DOP1B: variants seen among roughly 807,000 people sequenced by gnomAD.
The protein encoded by DOP1B is DOP1 leucine zipper like protein B.
A neutral mutation model predicts 233.5 loss-of-function variants in DOP1B; 174 were observed. The ratio of observed to expected loss-of-function variants is 0.75; its 90% CI spans 0.66 to 0.85. The LOEUF is 0.85. Among genes scored for constraint, DOP1B ranks in the 40% least tolerant of loss-of-function variants. The pLI is 0.00. For missense variants in DOP1B, 2,652 were observed against 2,846.6 expected, an observed-to-expected ratio of 0.93 and a Z score of 1.56; for synonymous variants, 1,190 against 1,185.6, an observed-to-expected ratio of 1.00 and a Z score of -0.08.
At chr21:36,227,338 G>A (rs1173646620) in intron 12 of DOP1B, among the ~76,000 whole-genome samples, 3 of 151,942 alleles carry the variant, frequency 2.0e-5, no homozygotes, top group African/African-American at 7.2e-5. Flanking sequence ...ACAAAGTCAG[G>A]AGATCGAGAC....
chr21:36,260,834 G>A lies in DOP1B; in HGVS notation c.5315+102G>A. ...GGTTTTATTTCTAGACTACTAGAGA[G>A]CCATTGTTCAGAAAATATCTTAAAG... On this transcript the variant is annotated intron_variant, in intron 24 of 36. Transcript: ENST00000691173. 6 of 1,562,566 alleles carry A rather than the reference G, an allele frequency of 3.8e-6. No homozygotes were observed. In the South Asian group the frequency reaches 4.8e-5, roughly 13 times the overall value.
chr21:36,261,305 C>T lies in DOP1B; in HGVS notation c.5315+573C>T, dbSNP rs2067168246. 9 of 971,456 alleles carry T rather than the reference C, an allele frequency of 9.3e-6. No homozygotes were observed. The East Asian group carries it at 6.0e-4, about 65-fold the overall frequency. The allele number at this position is 971,456 out of a possible 1,614,324, so 60.2% of individuals were successfully genotyped here. ...GCATGAACCCAGGAGGCGGAGGTTG[C>T]AGCGAGCCAAGACCTCACCACTGCT... On this transcript the variant is annotated intron_variant, in intron 24 of 36. Coordinates refer to ENST00000691173, the MANE Select transcript of DOP1B (RefSeq NM_001320714.2).
At position 36,173,869 on chromosome 21, in the gene DOP1B, A is replaced by T. The variant is rs905691951; in HGVS notation, c.138+8998A>T. On this transcript the variant is annotated intron_variant, in intron 2 of 36. Transcript: ENST00000691173. ...AAAATCTTATCATTAAAGCTCTTTA[A>T]AAAAAAAAAAAAGTTATAATGGTCC... 8.7e-4 allele frequency among the ~76,000 whole-genome samples: 48 copies of T among 54,948 alleles called. 3 individuals are homozygous for T. Among genetic ancestry groups the T allele is most frequent in the African/African-American group, 1.7e-3 (37 of 22,210 alleles). 36.0% of individuals were successfully genotyped at this position (54,948 alleles called of 152,430 possible).
Position 36,278,287 on chromosome 21 carries a change from C to T in DOP1B, c.5901C>T (p.Ala1967=). Residue 1967 remains alanine, a synonymous_variant, in exon 30 of 37, where the codon GCC becomes GCT. Transcript: ENST00000691173. ...SLSGYAYTKR[A]WRKEVLELFL... is the part of the protein sequence containing the mutation. ...GTGGCTATGCCTACACAAAGCGAGC[C>T]TGGAGGAAGGAGGTCCTGGAGCTGT... 1 of 1,614,108 alleles carries T rather than the reference C, an allele frequency of 6.2e-7. No homozygotes were observed. Among genetic ancestry groups the T allele is most frequent in the South Asian group, 1.1e-5 (1 of 91,086 alleles).
chr21:36,234,870 G>GTA (rs1006581661), intron 15 of DOP1B, among the ~76,000 whole-genome samples: 8 of 150,934 alleles, frequency 5.3e-5, no homozygotes, highest in African/African-American at 1.5e-4. Context: ...ATGTAATATT[G>GTA]TATATATATA....
At chr21:36,242,701 C>G (rs1032635498) in intron 18 of DOP1B, among the ~76,000 whole-genome samples, 2 of 152,156 alleles carry the variant, frequency 1.3e-5, no homozygotes, top group Admixed American at 1.3e-4. Flanking sequence ...TCTGCTACCT[C>G]CGAATAGGAG....
At chr21:36,230,199 GA>G (rs2066743139) in intron 13 of DOP1B, among the ~76,000 whole-genome samples, 1 of 152,062 alleles carries the variant, frequency 6.6e-6, no homozygotes, top group Admixed American at 6.6e-5. Context: ...AAAAACACAA[GA>G]AAAATAGGCC....
At chr21:36,176,121 T>TGTGTGTGTGG (rs962494737) in intron 2 of DOP1B, among the ~76,000 whole-genome samples, 2 of 151,766 alleles carry the variant, frequency 1.3e-5, no homozygotes, top group African/African-American at 4.8e-5. Context: ...TGTGTGTGTG[T>TGTGTGTGTGG]GGTGATACAG....
intron 23 of DOP1B, among the ~76,000 whole-genome samples, chr21:36,257,688 G>T (rs112657781): frequency 6.6e-6 from 1 of 151,388 alleles, no homozygotes; most frequent in Non-Finnish European, 1.5e-5. Context: ...GTAGATGTAG[G>T]TAGGTAGGTA....
At chr21:36,279,102 T>C (rs35536302) in intron 30 of DOP1B, among the ~76,000 whole-genome samples, 4,939 of 151,838 alleles carry the variant, frequency 0.033, 109 homozygotes, top group Non-Finnish European at 0.046. Context: ...CTCCTGGGCC[T>C]TTTCCTGAGA....
intron 4 of DOP1B, among the ~76,000 whole-genome samples, chr21:36,201,084 C>A (rs936326529): frequency 1.3e-5 from 2 of 152,082 alleles, no homozygotes; most frequent in Non-Finnish European, 2.9e-5. Flanking sequence ...ATGTCCTGTC[C>A]CGTTACGGAG....
Position 36,293,406 on chromosome 21 carries a change from G to C in DOP1B, c.6732G>C (p.Met2244Ile). 4 of 1,614,120 alleles carry C rather than the reference G, an allele frequency of 2.5e-6. No individual in the cohort carries two copies. Among genetic ancestry groups the C allele is most frequent in the Non-Finnish European group, 3.4e-6 (4 of 1,180,030 alleles). The change falls in exon 37 of 37, where the codon ATG becomes ATC. Residue 2244 changes from methionine (M) to isoleucine (I), a missense_variant. Met to Ile is a conservative substitution (Grantham distance 10). Coordinates refer to ENST00000691173, the MANE Select transcript of DOP1B (RefSeq NM_001320714.2). ...QHSVSSIRQL[M>I]PFFMTLNGAF... ...CTGTTTCCAGCATCAGGCAGTTGAT[G>C]CCATTCTTCATGACTCTAAATGGTG...
At chr21:36,230,373 A>C (rs1042961560) in intron 13 of DOP1B, 77 bp from the exon 14 acceptor site, 3 of 1,440,642 alleles carry the variant, frequency 2.1e-6, no homozygotes, top group Non-Finnish European at 2.8e-6. Context: ...GAATTGAAAT[A>C]CATTCATGAT....
intron 1 of DOP1B, among the ~76,000 whole-genome samples, chr21:36,162,814 G>A (rs2065880132): frequency 4.6e-5 from 7 of 152,110 alleles, no homozygotes; most frequent in Admixed American, 4.6e-4. Flanking sequence ...CAAAAGTGCT[G>A]AGATTACAGG....
intron 30 of DOP1B, among the ~76,000 whole-genome samples, chr21:36,279,862 C>T (rs926621272): frequency 6.6e-5 from 10 of 152,116 alleles, no homozygotes; most frequent in Non-Finnish European, 2.9e-5. Flanking sequence ...AACCTCTTTT[C>T]AGAAAGCAGT....
chr21:36,167,252 A>C (rs2065920680), intron 2 of DOP1B, among the ~76,000 whole-genome samples: 3 of 152,128 alleles, frequency 2.0e-5, no homozygotes, highest in Middle Eastern at 3.2e-3. Flanking sequence ...GGCTCATGAC[A>C]ACCTGAGCCT....
chr21:36,195,340 CA>C (rs60003046), intron 2 of DOP1B, among the ~76,000 whole-genome samples: 27,536 of 83,376 alleles, frequency 0.33, 2,342 homozygotes, highest in African/African-American at 0.39. Context: ...GACTCTGGCT[CA>C]AAAAAAAAAA....
At chr21:36,290,534 C>A (rs905699999) in intron 35 of DOP1B, among the ~76,000 whole-genome samples, 2 of 152,158 alleles carry the variant, frequency 1.3e-5, no homozygotes, top group African/African-American at 4.8e-5. Flanking sequence ...CGCGATGGCT[C>A]ACACCTGTAA....
chr21:36,233,024 C>T lies in DOP1B; in HGVS notation c.2571C>T (p.Pro857=), dbSNP rs1392762694. 6.2e-7 allele frequency: 1 copy of T among 1,614,106 alleles called. No homozygotes were observed. Among genetic ancestry groups the T allele is most frequent in the Non-Finnish European group, 8.5e-7 (1 of 1,179,996 alleles). ...AGCTGCAGATGGTGACGGTTCCTCC[C>T]ATTGCTCCAGGGATATTGAAAGTCA... ...FGKLQMVTVP[P]IAPGILKVIA... The change falls in exon 15 of 37, where the codon CCC becomes CCT. Residue 857 remains proline (P), a synonymous_variant. Coordinates refer to ENST00000691173, the MANE Select transcript of DOP1B (RefSeq NM_001320714.2).
Sources: gnomAD v4.1 joint callset for allele counts (sites outside exome capture counted in the v4.1 genomes callset) on GRCh38, gnomAD v4.1.1 for gene constraint, MANE v1.5 for transcripts, NCBI Gene and HGNC (gene_info 2026-07-23, HGNC 2026-07-21) for gene names.